Variants in CCAR2 observed in about 807,000 individuals in gnomAD.
CCAR2 encodes the protein cell cycle and apoptosis regulator 2.
CCAR2 carries 21 observed loss-of-function variants against 108.1 expected under a neutral mutation model. The ratio of observed to expected loss-of-function variants is 0.19; its 90% confidence interval spans 0.14 to 0.28. The LOEUF (loss-of-function observed/expected upper bound fraction) is 0.28, where lower values mean the gene tolerates loss of function less well. Among genes scored for constraint, CCAR2 ranks in the 10% least tolerant of loss-of-function variants. CCAR2 has a pLI of 1.00. For synonymous variants in CCAR2, 577 were observed against 472.8 expected (o/e 1.22, Z -2.86); for missense variants, 1,126 against 1,177.0 (o/e 0.96, Z 0.63).
At position 22,615,715 on chromosome 8, in the gene CCAR2, T is replaced by G. The variant is rs905661663; in HGVS notation, c.1411T>G (p.Leu471Val). 5.6e-6 allele frequency: 9 copies of G among 1,613,674 alleles called. No homozygotes were observed. Among genetic ancestry groups the G allele is most frequent in the Non-Finnish European group, 6.8e-6 (8 of 1,179,978 alleles). ...TEPTEQAPDALEQAADTSRRN... is the reference protein window; with the variant it reads ...TEPTEQAPDAVEQAADTSRRN... ...GCCTACTGAACAGGCACCTGATGCC[T>G]TGGAGCAAGCAGCAGACACTTCTAG... Residue 471 changes from leucine to valine, a missense_variant, in exon 13 of 21, where the codon TTG becomes GTG. Physicochemically the swap from Leu to Val is conservative, Grantham distance 32. This residue lies in a region of CCAR2 where 1,013 missense variants were observed against 993.9 expected (regional missense o/e 1.02). Coordinates refer to ENST00000308511, the MANE Select transcript of CCAR2 (RefSeq NM_001393997.1).
At chr8:22,608,831 G>A (rs762943400) in intron 7 of CCAR2, among the ~76,000 whole-genome samples, 13 of 152,150 alleles carry the variant, frequency 8.5e-5, no homozygotes, top group Non-Finnish European at 1.8e-4. Context: ...CTATATGCAA[G>A]GTAAACAGAA....
At position 22,618,503 on chromosome 8, in the gene CCAR2, C is replaced by CT; in HGVS notation, c.2220+11dup. ...CGGCTCAGTGCAGAGCAGGTACCTT[C>CT]TTTCCTCTGCCCCAGCACATGGGCA... On this transcript the variant is annotated intron_variant, in intron 17 of 20. Transcript: ENST00000308511. 6.2e-7 allele frequency: 1 copy of CT among 1,614,206 alleles called. No individual in the cohort carries two copies. Among genetic ancestry groups the CT allele is most frequent in the Non-Finnish European group, 8.5e-7 (1 of 1,180,048 alleles).
At position 22,606,645 on chromosome 8, in the gene CCAR2, C is replaced by T. The variant is rs1801091787; in HGVS notation, c.189C>T (p.Thr63=). The T allele has an allele frequency of 1.2e-6, 2 of 1,614,176 alleles. No individual in the cohort carries two copies. The highest frequency in any genetic ancestry group is 1.7e-6 in the Non-Finnish European group (2 of 1,180,020). Residue 63 remains threonine, a synonymous_variant, in exon 4 of 21, where the codon ACC becomes ACT. Coordinates refer to ENST00000308511, the MANE Select transcript of CCAR2 (RefSeq NM_001393997.1). ...EKQRVFTGIV[T]SLHDYFGVVD... Reference sequence around the variant, plus strand: ...AGCGGGTCTTCACTGGTATTGTTACCAGCTTGCATGACTACTTTGGGGTTG... The same window carrying T: ...AGCGGGTCTTCACTGGTATTGTTACTAGCTTGCATGACTACTTTGGGGTTG...
At chr8:22,608,704 G>A (rs1801169782) in intron 7 of CCAR2, among the ~76,000 whole-genome samples, 1 of 152,148 alleles carries the variant, frequency 6.6e-6, no homozygotes, top group Non-Finnish European at 1.5e-5. Flanking sequence ...TCCTTCCTCA[G>A]TCTCACTCTC....
At position 22,620,066 on chromosome 8, in the gene CCAR2, A is replaced by C; in HGVS notation, c.*384A>C. ...GTGGGACAAGGTCTGATGTCAGTGA[A>C]CGGAACTGAAGAGCAAGACATGGAG... On this transcript the variant is annotated 3_prime_UTR_variant, in exon 21 of 21. Transcript: ENST00000308511. 4.4e-6 allele frequency: 1 copy of C among 228,296 alleles called. No homozygotes were observed. The highest frequency in any genetic ancestry group is 6.6e-5 in the South Asian group (1 of 15,160). The allele number at this position is 228,296 out of a possible 1,614,324, so 14.1% of individuals were successfully genotyped here.
At position 22,618,681 on chromosome 8, in the gene CCAR2, G is replaced by A; in HGVS notation, c.2285G>A (p.Ser762Asn). Reference sequence around the variant, plus strand: ...TGCCAGTACCGGAGCCTTCAGTACAGCCGCCAGGAGGGCCTGGATGGTGGC... The same window carrying A: ...TGCCAGTACCGGAGCCTTCAGTACAACCGCCAGGAGGGCCTGGATGGTGGC... ...NICQYRSLQY[S>N]RQEGLDGGLP... Residue 762 changes from serine (S) to asparagine (N), a missense_variant, in exon 18 of 21, where the codon AGC becomes AAC. Physicochemically the swap from Ser to Asn is conservative, Grantham distance 46. Around this residue, in one of 4 missense-constraint regions of CCAR2, gnomAD observed 1,013 missense variants for 993.9 expected, o/e 1.02. Transcript: ENST00000308511. The A allele has an allele frequency of 6.2e-7, 1 of 1,614,090 alleles. No individual in the cohort carries two copies. Among genetic ancestry groups the A allele is most frequent in the Non-Finnish European group, 8.5e-7 (1 of 1,180,032 alleles).
intron 7 of CCAR2, among the ~76,000 whole-genome samples, chr8:22,612,292 G>A (rs991554222): frequency 2.1e-5 from 3 of 145,534 alleles, no homozygotes; most frequent in African/African-American, 5.1e-5. Flanking sequence ...TTTTTGAGAC[G>A]GAGTCTTGCT....
At position 22,606,592 on chromosome 8, in the gene CCAR2, C is replaced by G. The variant is rs746694966; in HGVS notation, c.151-15C>G. The G allele has an allele frequency of 1.9e-6, 3 of 1,606,124 alleles. No homozygotes were observed. The highest frequency in any genetic ancestry group is 3.3e-5 in the Admixed American group (2 of 60,004). On this transcript the variant is annotated splice_polypyrimidine_tract_variant and intron_variant, in intron 3 of 20. Transcript: ENST00000308511. ...TTCCTCCCTTTTACTTTTCAGCTGT[C>G]TCCTTCTCTTACAGGGTGGGGAGAA...
Position 22,618,438 on chromosome 8 carries a change from C to A in CCAR2, c.2163C>A (p.His721Gln). The A allele has an allele frequency of 6.2e-7, 1 of 1,614,222 alleles. No individual in the cohort carries two copies. The highest frequency in any genetic ancestry group is 8.5e-7 in the Non-Finnish European group (1 of 1,180,048). ...FFDANWCGYL[H>Q]RRDLERILLT... ...ATGCCAACTGGTGTGGCTACTTGCA[C>A]CGGCGAGACTTAGAGAGGATCCTCC... Residue 721 changes from histidine to glutamine, a missense_variant, in exon 17 of 21, where the codon CAC (histidine) becomes CAA (glutamine). Physicochemically the swap from His to Gln is conservative, Grantham distance 24. Transcript: ENST00000308511.
chr8:22,606,131 T>C lies in CCAR2; in HGVS notation c.105T>C (p.Thr35=). 1 of 1,614,138 alleles carries C rather than the reference T, an allele frequency of 6.2e-7. No individual in the cohort carries two copies. Among genetic ancestry groups the C allele is most frequent in the Non-Finnish European group, 8.5e-7 (1 of 1,179,988 alleles). ...TGGGCCCTCCTCCTGGTTTGCTCAC[T>C]CCTCCTGTGGCCACAGAACTGTCCC... is the stretch of plus-strand genomic sequence containing the variant. The part of the protein sequence containing the change: ...SLLGPPPGLL[T]PPVATELSQN... The change falls in exon 3 of 21, where the codon ACT becomes ACC. Residue 35 remains threonine (T), a synonymous_variant. Coordinates refer to ENST00000308511, the MANE Select transcript of CCAR2 (RefSeq NM_001393997.1).
In CCAR2 at chr8:22,619,018, G is replaced by C; in HGVS notation, c.2521+3G>C. 6.2e-7 allele frequency: 1 copy of C among 1,612,510 alleles called. No individual in the cohort carries two copies. Among genetic ancestry groups the C allele is most frequent in the South Asian group, 1.1e-5 (1 of 90,954 alleles). On this transcript the variant is annotated splice_donor_region_variant and intron_variant, in intron 19 of 20. Coordinates refer to ENST00000308511, the MANE Select transcript of CCAR2 (RefSeq NM_001393997.1). ...CCACACACTGGAGCTGAAGCTGGGT[G>C]AGGGCCTGGGGCTGCAGCCACCATG...
chr8:22,606,529 A>C, intron 3 of CCAR2, 78 bp from the exon 4 acceptor site: 1 of 1,162,968 alleles, frequency 8.6e-7, no homozygotes, highest in Non-Finnish European at 1.3e-6. Context: ...GCGTGGGTTG[A>C]GATGAGACCT....
At position 22,617,780 on chromosome 8, in the gene CCAR2, T is replaced by A. The variant is rs1342512344; in HGVS notation, c.2073+2T>A. On this transcript the variant is annotated splice_donor_variant, in intron 16 of 20. Coordinates refer to ENST00000308511, the MANE Select transcript of CCAR2 (RefSeq NM_001393997.1). LOFTEE classifies it high-confidence loss of function. ...GAGTTCTCTTCACTTCAGGACATGG[T>A]GAGGCCTCTTCTCGACCACTCTGGG... 6.2e-7 allele frequency: 1 copy of A among 1,613,222 alleles called. No individual in the cohort carries two copies. Among genetic ancestry groups the A allele is most frequent in the East Asian group, 2.2e-5 (1 of 44,888 alleles).
At chr8:22,614,623 C>T (rs1427299213) in intron 10 of CCAR2, 120 bp downstream of exon 10, 4 of 1,055,486 alleles carry the variant, frequency 3.8e-6, no homozygotes, top group Non-Finnish European at 5.7e-6. Context: ...GCCGAACACC[C>T]CTCATTTCAC....
rs201209039 is a variant in CCAR2, at chr8:22,614,176, G to C, written c.789G>C (p.Trp263Cys). The C allele has an allele frequency of 6.2e-7, 1 of 1,613,914 alleles. No individual in the cohort carries two copies. Among genetic ancestry groups the C allele is most frequent in the Non-Finnish European group, 8.5e-7 (1 of 1,180,050 alleles). The change falls in exon 9 of 21, where the codon TGG (tryptophan) becomes TGC (cysteine). Residue 263 changes from tryptophan (W) to cysteine (C), a missense_variant. Trp to Cys is a radical substitution (Grantham distance 215, BLOSUM62 -2). Coordinates refer to ENST00000308511, the MANE Select transcript of CCAR2 (RefSeq NM_001393997.1). ...PSDFLSVHLS[W>C]LSAFPLSQPF... is the part of the protein sequence containing the mutation. ...ATTTTCTGTCCGTGCATCTGAGTTG[G>C]CTATCAGCCTTCCCCCTGAGCCAGC...
In CCAR2 at chr8:22,606,716, C is replaced by A. The variant is rs200717949; in HGVS notation, c.242+18C>A. 2 of 1,600,794 alleles carry A rather than the reference C, an allele frequency of 1.2e-6. No individual in the cohort carries two copies. Among genetic ancestry groups the A allele is most frequent in the Non-Finnish European group, 1.7e-6 (2 of 1,168,638 alleles). ...CAGCTAAGGTAGGCTTGAGGTTGGT[C>A]CCCTAACGGAAATGCTTATTGGATT... is the stretch of plus-strand genomic sequence containing the variant. On this transcript the variant is annotated intron_variant, in intron 4 of 20. Coordinates refer to ENST00000308511, the MANE Select transcript of CCAR2 (RefSeq NM_001393997.1).
rs1254509342 is a variant in CCAR2 at position 22,618,724 on chromosome 8, C to G, written c.2328C>G (p.Leu776=). 1.9e-6 allele frequency: 3 copies of G among 1,613,960 alleles called. No homozygotes were observed. The highest frequency in any genetic ancestry group is 2.2e-5 in the East Asian group (1 of 44,884). Residue 776 remains leucine (L), a synonymous_variant, in exon 18 of 21, where the codon CTC becomes CTG. Coordinates refer to ENST00000308511, the MANE Select transcript of CCAR2 (RefSeq NM_001393997.1). Reference sequence around the variant, plus strand: ...ATGGTGGCCTTCCCGAGGAGGTGCTCTTCGGTATGTTCTGGGGCCCTGCAG... The same window carrying G: ...ATGGTGGCCTTCCCGAGGAGGTGCTGTTCGGTATGTTCTGGGGCCCTGCAG... ...GLDGGLPEEV[L]FGNLDLLPPP...
Position 22,614,061 on chromosome 8 carries a change from C to T in CCAR2, c.705-31C>T, listed in dbSNP as rs373792843. 14 of 1,575,956 alleles carry T rather than the reference C, an allele frequency of 8.9e-6. No homozygotes were observed. The African/African-American group carries it at 1.8e-4, about 20-fold the overall frequency. On this transcript the variant is annotated intron_variant, in intron 8 of 20. Coordinates refer to ENST00000308511, the MANE Select transcript of CCAR2 (RefSeq NM_001393997.1). ...CATTTCGAATGTTTTAGTCTTTGCT[C>T]AGTCTGGATTCCCTTGCTGTCTTCC...
chr8:22,614,679 A>T (rs760528119), intron 10 of CCAR2, 159 bp from the exon 11 acceptor site: 1 of 1,066,752 alleles, frequency 9.4e-7, no homozygotes, highest in Non-Finnish European at 1.4e-6. Flanking sequence ...AGTCAGAGAG[A>T]GCGAGGTGGC....
Sources: gnomAD v4.1 joint callset for allele counts (sites outside exome capture counted in the v4.1 genomes callset) on GRCh38, gnomAD v4.1.1 for gene constraint, gnomAD v4.1.1 regional missense constraint, MANE v1.5 for transcripts, NCBI Gene and HGNC (gene_info 2026-07-23, HGNC 2026-07-21) for gene names.